The following CNTNAP2 variants were observed in gnomAD, a reference collection of about 807,000 sequenced individuals.
CNTNAP2 encodes the protein contactin-associated protein-like 2.
A neutral mutation model predicts 155.2 loss-of-function variants in CNTNAP2; 98 were observed. The ratio of observed to expected loss-of-function variants is 0.63; its 90% confidence interval spans 0.54 to 0.75. The LOEUF (loss-of-function observed/expected upper bound fraction) is 0.75. Among genes scored for constraint, CNTNAP2 ranks in the 30% least tolerant of loss-of-function variants. The pLI is 0.00. For synonymous variants in CNTNAP2, 651 were observed against 631.2 expected (o/e 1.03, Z -0.47); for missense variants, 1,727 against 1,688.1 (o/e 1.02, Z -0.40).
intron 1 of CNTNAP2, among the ~76,000 whole-genome samples, chr7:146,512,041 G>A (rs1584957785): frequency 6.6e-6 from 1 of 151,654 alleles, no homozygotes; most frequent in East Asian, 1.9e-4. Context: ...GAATTTTTTT[G>A]TTGAAGGTTT....
At chr7:146,712,278 A>G (rs1466331458) in intron 1 of CNTNAP2, among the ~76,000 whole-genome samples, 1 of 14,132 alleles carries the variant, frequency 7.1e-5, no homozygotes, top group Admixed American at 1.9e-3. Context: ...TTATGTATAC[A>G]TATATGTATA....
At chr7:148,251,198 G>A (rs1235615147) in intron 20 of CNTNAP2, among the ~76,000 whole-genome samples, 1 of 152,104 alleles carries the variant, frequency 6.6e-6, no homozygotes, top group Non-Finnish European at 1.5e-5. Context: ...ACAAGCAGCT[G>A]GCTACAAATT....
At chr7:147,047,634 C>T (rs1212766128) in intron 4 of CNTNAP2, among the ~76,000 whole-genome samples, 1 of 152,084 alleles carries the variant, frequency 6.6e-6, no homozygotes, top group African/African-American at 2.4e-5. Context: ...TTAAAGCAAA[C>T]ATTGTCAATG....
At chr7:146,821,167 T>G (rs187762443) in intron 2 of CNTNAP2, among the ~76,000 whole-genome samples, 147 of 152,264 alleles carry the variant, frequency 9.7e-4, no homozygotes, top group Non-Finnish European at 1.7e-3. Context: ...CATTTACATT[T>G]AAAGTTAATA....
At chr7:148,041,481 C>T (rs1277596678) in intron 15 of CNTNAP2, among the ~76,000 whole-genome samples, 1 of 152,202 alleles carries the variant, frequency 6.6e-6, no homozygotes, top group Non-Finnish European at 1.5e-5. Context: ...AACGGAGAAC[C>T]GTGGCATTTC....
chr7:147,668,787 A>G (rs1214486188), intron 13 of CNTNAP2, among the ~76,000 whole-genome samples: 4 of 152,034 alleles, frequency 2.6e-5, no homozygotes, highest in African/African-American at 9.7e-5. Context: ...ATTATCAAAG[A>G]GAAAAGTTTT....
chr7:147,979,784 G>A (rs1263509018), intron 15 of CNTNAP2, among the ~76,000 whole-genome samples: 1 of 151,910 alleles, frequency 6.6e-6, no homozygotes, highest in Non-Finnish European at 1.5e-5. Context: ...CACCATGCCC[G>A]ACTGATTTTT....
At chr7:148,236,816 A>G (rs1563006332) in intron 20 of CNTNAP2, among the ~76,000 whole-genome samples, 1 of 152,252 alleles carries the variant, frequency 6.6e-6, no homozygotes, top group South Asian at 2.1e-4. Context: ...CTTGTCTTAC[A>G]TGGCAGGAGC....
chr7:146,144,510 C>A (rs1268639964), intron 1 of CNTNAP2, among the ~76,000 whole-genome samples: 1 of 152,144 alleles, frequency 6.6e-6, no homozygotes, highest in African/African-American at 2.4e-5. Flanking sequence ...CAAAAAATTT[C>A]ATTCCTTCCT....
intron 21 of CNTNAP2, among the ~76,000 whole-genome samples, chr7:148,379,805 C>T (rs13224997): frequency 0.33 from 50,283 of 152,136 alleles, 9,981 homozygotes; most frequent in East Asian, 0.66. Context: ...GCCCCAAGCA[C>T]AGCTCTGTCC....
intron 1 of CNTNAP2, among the ~76,000 whole-genome samples, chr7:146,224,313 A>G (rs1162381320): frequency 6.6e-6 from 1 of 152,162 alleles, no homozygotes; most frequent in Non-Finnish European, 1.5e-5. Context: ...TATTACTCTT[A>G]TAAGATGTTA....
intron 15 of CNTNAP2, among the ~76,000 whole-genome samples, chr7:148,059,941 A>G (rs904404301): frequency 2.6e-5 from 4 of 152,230 alleles, no homozygotes; most frequent in East Asian, 1.9e-4. Flanking sequence ...AAGGTTCTAC[A>G]TAAAATAACA....
At chr7:147,638,522 C>A (rs934141788) in intron 12 of CNTNAP2, among the ~76,000 whole-genome samples, 3 of 152,140 alleles carry the variant, frequency 2.0e-5, no homozygotes, top group African/African-American at 7.2e-5. Flanking sequence ...TTTTCAGGGT[C>A]AAAATCACCA....
intron 3 of CNTNAP2, among the ~76,000 whole-genome samples, chr7:146,929,326 C>G (rs1021541320): frequency 6.6e-6 from 1 of 152,198 alleles, no homozygotes; most frequent in Non-Finnish European, 1.5e-5. Context: ...CCCAGGCAAA[C>G]AGGGTCTGGA....
intron 3 of CNTNAP2, among the ~76,000 whole-genome samples, chr7:146,914,739 CTG>C (rs2129218227): frequency 6.6e-6 from 1 of 152,256 alleles, no homozygotes; most frequent in Non-Finnish European, 1.5e-5. Context: ...TTCTCCCACT[CTG>C]TGGGTTGTCT....
intron 16 of CNTNAP2, among the ~76,000 whole-genome samples, chr7:148,135,312 G>A: frequency 6.6e-6 from 1 of 152,132 alleles, no homozygotes; most frequent in Non-Finnish European, 1.5e-5. Context: ...CACAGATTTT[G>A]AAAGATTGTG....
chr7:147,569,468 A>G (rs1800241756), intron 12 of CNTNAP2, among the ~76,000 whole-genome samples: 1 of 152,186 alleles, frequency 6.6e-6, no homozygotes, highest in East Asian at 1.9e-4. Context: ...TGGTGGTCCT[A>G]TAAGATTATA....
intron 12 of CNTNAP2, among the ~76,000 whole-genome samples, chr7:147,587,531 C>A (rs1287070299): frequency 6.6e-6 from 1 of 152,114 alleles, no homozygotes; most frequent in Non-Finnish European, 1.5e-5. Context: ...TTTGTACACC[C>A]CTAAAAATTA....
chr7:146,304,158 T>C (rs1193188461), intron 1 of CNTNAP2, among the ~76,000 whole-genome samples: 1 of 151,612 alleles, frequency 6.6e-6, no homozygotes, highest in African/African-American at 2.4e-5. Flanking sequence ...TGAGCCTATG[T>C]GTGTCTCTGC....
Sources: gnomAD v4.1 joint callset for allele counts (sites outside exome capture counted in the v4.1 genomes callset) on GRCh38, gnomAD v4.1.1 for gene constraint, MANE v1.5 for transcripts, NCBI Gene and HGNC (gene_info 2026-07-23, HGNC 2026-07-21) for gene names.